CSMD3: variants seen among roughly 807,000 people sequenced by gnomAD.
CSMD3 encodes CUB and Sushi multiple domains 3.
Under a neutral mutation model 435.2 loss-of-function variants are expected in CSMD3, and 177 were observed. The observed-to-expected ratio is 0.41, with a 90% CI of 0.36 to 0.46. The LOEUF (loss-of-function observed/expected upper bound fraction) is 0.46. CSMD3 is among the 20% of genes least tolerant of loss of function. The probability of loss-of-function intolerance (pLI) is 0.34; values close to 1 mark genes in which losing one functional copy is unlikely to be tolerated. For missense variants in CSMD3, 4,265 were observed against 4,504.6 expected (o/e 0.95, Z 1.52); for synonymous variants, 1,656 against 1,520.5 (o/e 1.09, Z -2.07).
At chr8:112,409,547 G>T in intron 32 of CSMD3, among the ~76,000 whole-genome samples, 1 of 151,844 alleles carries the variant, frequency 6.6e-6, no homozygotes, top group East Asian at 1.9e-4. Flanking sequence ...CAGATATAGT[G>T]TTTAATTTAT....
At position 113,106,802 on chromosome 8, in the gene CSMD3, T is replaced by C. The variant is rs189942408; in HGVS notation, c.710-7839A>G. ...TTAATAAGTTGTCAGTGAATTGAGA[T>C]AGAATTGCAATCTTTGTTATCCACA... On this transcript the variant is annotated intron_variant, in intron 4 of 70. Transcript: ENST00000297405. 7.9e-4 allele frequency among the ~76,000 whole-genome samples: 120 copies of C among 152,324 alleles called. 1 individual carries two copies. Among genetic ancestry groups the C allele is most frequent in the Middle Eastern group, 3.4e-3 (1 of 294 alleles).
intron 13 of CSMD3, among the ~76,000 whole-genome samples, chr8:112,707,436 C>G (rs564886929): frequency 6.8e-6 from 1 of 146,358 alleles, no homozygotes; most frequent in Admixed American, 7.0e-5. Flanking sequence ...ATTGAGACTG[C>G]ATCTGTGCTG....
At chr8:112,765,062 G>A (rs1587222084) in intron 13 of CSMD3, among the ~76,000 whole-genome samples, 1 of 151,740 alleles carries the variant, frequency 6.6e-6, no homozygotes, top group Non-Finnish European at 1.5e-5. Flanking sequence ...AGCGTCATAA[G>A]ATCTGATCAT....
rs1425282842 is a variant in CSMD3, at chr8:113,074,338, A to G, written c.917+24418T>C. ...TGTAATTATAATTGTCTTTCTAAAA[A>G]AGAAAATGCAACAGCTGCACCTACT... On this transcript the variant is annotated intron_variant, in intron 5 of 70. Coordinates refer to ENST00000297405, the MANE Select transcript of CSMD3 (RefSeq NM_198123.2). 2.6e-5 allele frequency among the ~76,000 whole-genome samples: 4 copies of G among 151,902 alleles called. No individual in the cohort carries two copies. In the East Asian group the frequency reaches 7.7e-4, roughly 29 times the overall value.
intron 13 of CSMD3, among the ~76,000 whole-genome samples, chr8:112,780,236 G>A (rs901652100): frequency 6.6e-6 from 1 of 151,992 alleles, no homozygotes; most frequent in Non-Finnish European, 1.5e-5. Flanking sequence ...ATATAAAGTG[G>A]CATTCTCAGA....
chr8:112,266,430 G>C (rs962317519), intron 59 of CSMD3, among the ~76,000 whole-genome samples: 1 of 152,188 alleles, frequency 6.6e-6, no homozygotes, highest in Non-Finnish European at 1.5e-5. Flanking sequence ...AAGGCAACAA[G>C]GCAGACTGCA....
At chr8:112,751,643 T>A (rs955598868) in intron 13 of CSMD3, among the ~76,000 whole-genome samples, 1 of 141,386 alleles carries the variant, frequency 7.1e-6, no homozygotes, top group Non-Finnish European at 1.5e-5. Flanking sequence ...TTTTTTTTTT[T>A]ATATATTTTA....
At chr8:112,762,834 T>C (rs1202295992) in intron 13 of CSMD3, among the ~76,000 whole-genome samples, 1 of 151,834 alleles carries the variant, frequency 6.6e-6, no homozygotes, top group African/African-American at 2.4e-5. Flanking sequence ...ATCACTCATA[T>C]GTGGAGTCTA....
intron 27 of CSMD3, among the ~76,000 whole-genome samples, chr8:112,543,023 G>A (rs1826826684): frequency 6.6e-6 from 1 of 151,982 alleles, no homozygotes; most frequent in Non-Finnish European, 1.5e-5. Flanking sequence ...TTGACAAACG[G>A]TATTTAGAAA....
At chr8:112,810,274 TA>T (rs2067201051) in intron 12 of CSMD3, among the ~76,000 whole-genome samples, 1 of 152,078 alleles carries the variant, frequency 6.6e-6, no homozygotes, top group Non-Finnish European at 1.5e-5. Flanking sequence ...TAAAAGTAAC[TA>T]ATATGTGTCT....
chr8:113,212,074 T>C (rs1469207528), intron 3 of CSMD3, among the ~76,000 whole-genome samples: 2 of 152,152 alleles, frequency 1.3e-5, no homozygotes, highest in Non-Finnish European at 2.9e-5. Context: ...TATACCTTTG[T>C]ATATTATAAG....
intron 38 of CSMD3, among the ~76,000 whole-genome samples, chr8:112,369,943 G>A (rs1336406015): frequency 8.0e-6 from 1 of 124,872 alleles, no homozygotes; most frequent in African/African-American, 2.7e-5. Flanking sequence ...AGAAGAAGAA[G>A]AAGAGGGGGA....
At chr8:112,291,840 T>G (rs774703928) in intron 55 of CSMD3, 145 bp from the exon 56 acceptor site, 155 of 631,940 alleles carry the variant, frequency 2.5e-4, no homozygotes, top group Non-Finnish European at 3.7e-4. Context: ...ATCCCATGGA[T>G]TATCTAGAAA....
At chr8:112,472,512 T>C (rs1818623593) in intron 32 of CSMD3, 79 bp downstream of exon 32, 1 of 816,950 alleles carries the variant, frequency 1.2e-6, no homozygotes, top group South Asian at 1.4e-5. Context: ...TATTTTCATT[T>C]AAAATTTTTG....
Position 113,019,128 on chromosome 8 carries a change from G to T in CSMD3, c.969C>A (p.Leu323=), listed in dbSNP as rs2131170801. The T allele has an allele frequency of 6.2e-7, 1 of 1,613,778 alleles. No individual in the cohort carries two copies. The change falls in exon 6 of 71, where the codon CTC becomes CTA. Residue 323 remains leucine (L), a synonymous_variant. Transcript: ENST00000297405. ...PPPIISNKNW[L]RLHFVTDSNH... ...TGCTGTCTGTAACAAAATGCAGTCT[G>T]AGCCAGTTTTTGTTGCTGATAATTG...
chr8:112,680,874 C>T lies in CSMD3; in HGVS notation c.2677+1568G>A, dbSNP rs1172869887. On this transcript the variant is annotated intron_variant, in intron 16 of 70. Coordinates refer to ENST00000297405, the MANE Select transcript of CSMD3 (RefSeq NM_198123.2). The stretch of plus-strand genomic sequence containing the variant: ...TACATATTAAATCTTCTCAATTTAT[C>T]AGCTAGTCAGTTTGGAGACAGGTAA... Among the ~76,000 whole-genome samples the T allele has an allele frequency of 2.0e-5, 3 of 152,130 alleles. No homozygotes were observed. In the East Asian group the frequency reaches 5.8e-4, roughly 29 times the overall value.
intron 13 of CSMD3, among the ~76,000 whole-genome samples, chr8:112,697,673 C>T (rs553895726): frequency 1.8e-4 from 28 of 151,780 alleles, no homozygotes; most frequent in East Asian, 5.9e-4. Context: ...ACCAACATGA[C>T]GCATGTATAC....
intron 22 of CSMD3, among the ~76,000 whole-genome samples, chr8:112,636,064 A>T (rs891820298): frequency 6.6e-6 from 1 of 152,188 alleles, no homozygotes; most frequent in Non-Finnish European, 1.5e-5. Flanking sequence ...ATCACTAAAC[A>T]GCAAGAAGTT....
chr8:112,480,689 G>A (rs1219715868), intron 31 of CSMD3, among the ~76,000 whole-genome samples: 2 of 152,040 alleles, frequency 1.3e-5, no homozygotes, highest in Non-Finnish European at 2.9e-5. Flanking sequence ...CTTCCACCAT[G>A]ATTGGAAGCC....
Sources: allele counts gnomAD v4.1 joint callset (sites outside exome capture counted in the v4.1 genomes callset), GRCh38; gene constraint gnomAD v4.1.1; transcripts MANE v1.5; gene names NCBI Gene and HGNC (gene_info 2026-07-23, HGNC 2026-07-21).